PCDH11Y: variants seen among roughly 807,000 people sequenced by gnomAD.
PCDH11Y encodes the protein protocadherin-11 Y-linked.
For synonymous variants in PCDH11Y, 9 were observed against 83.6 expected (o/e 0.11, Z 4.87); for missense variants, 12 against 224.8 (o/e 0.05, Z 6.05).
chrY:5,117,234 A>G, intron 2 of PCDH11Y, among the ~76,000 whole-genome samples: 1 of 32,734 alleles, frequency 3.1e-5, no homozygotes, highest in African/African-American at 1.2e-4. Context: ...CCCTTATAAT[A>G]CATTTTTATG....
At chrY:5,472,327 G>GA (rs2053314814) in intron 2 of PCDH11Y, among the ~76,000 whole-genome samples, 3 of 31,194 alleles carry the variant, frequency 9.6e-5, no homozygotes, top group Non-Finnish European at 2.4e-4. Context: ...TTAAAACCAA[G>GA]AAAAAAAATC....
intron 1 of PCDH11Y, among the ~76,000 whole-genome samples, chrY:5,078,472 T>C: frequency 3.1e-5 from 1 of 32,780 alleles, no homozygotes; most frequent in Admixed American, 2.8e-4. Context: ...TACCCAAGAC[T>C]GGGTAATTTA....
At chrY:5,181,800 A>G in intron 2 of PCDH11Y, among the ~76,000 whole-genome samples, 1 of 33,294 alleles carries the variant, frequency 3.0e-5, no homozygotes, top group Non-Finnish European at 7.4e-5. Flanking sequence ...TAAACTAGCT[A>G]TTCTGGCTAC....
chrY:5,556,854 G>T, intron 3 of PCDH11Y, among the ~76,000 whole-genome samples: 1 of 32,606 alleles, frequency 3.1e-5, no homozygotes, highest in Non-Finnish European at 7.5e-5. Flanking sequence ...AAAAGGTATG[G>T]ATCTACCATT....
chrY:5,502,077 C>T (rs2053354575), intron 3 of PCDH11Y, among the ~76,000 whole-genome samples: 1 of 28,491 alleles, frequency 3.5e-5, no homozygotes, highest in Admixed American at 3.5e-4. Flanking sequence ...AAGTCATAGC[C>T]ATAAACCAAT....
At chrY:5,130,051 A>C (rs2052831829) in intron 2 of PCDH11Y, among the ~76,000 whole-genome samples, 1 of 33,634 alleles carries the variant, frequency 3.0e-5, no homozygotes, top group Admixed American at 2.7e-4. Flanking sequence ...TTATGCCTGC[A>C]TAGTGTTCCA....
intron 4 of PCDH11Y, among the ~76,000 whole-genome samples, chrY:5,734,263 C>T: frequency 3.2e-5 from 1 of 31,641 alleles, no homozygotes; most frequent in Non-Finnish European, 7.7e-5. Flanking sequence ...CCTGCTATAC[C>T]ACAATTTATG....
chrY:5,055,355 G>A (rs2052659202), upstream of PCDH11Y, among the ~76,000 whole-genome samples: 2 of 32,868 alleles, frequency 6.1e-5, no homozygotes, highest in African/African-American at 1.2e-4. Flanking sequence ...TGATGTTATC[G>A]ATTACCAATA....
At chrY:5,251,115 A>G (rs2053003781) in intron 2 of PCDH11Y, among the ~76,000 whole-genome samples, 1 of 33,053 alleles carries the variant, frequency 3.0e-5, no homozygotes, top group Non-Finnish European at 7.5e-5. Flanking sequence ...GGGTTTAACA[A>G]GTGATGTGAA....
At chrY:5,256,861 A>T in intron 2 of PCDH11Y, among the ~76,000 whole-genome samples, 1 of 33,113 alleles carries the variant, frequency 3.0e-5, no homozygotes, top group Non-Finnish European at 7.4e-5. Flanking sequence ...AGCATATAGA[A>T]ATGCTACTGA....
chrY:5,639,947 T>A, intron 4 of PCDH11Y, among the ~76,000 whole-genome samples: 1 of 32,527 alleles, frequency 3.1e-5, no homozygotes, highest in African/African-American at 1.2e-4. Context: ...CATTAAAAAA[T>A]TGGAGTCAGT....
intron 2 of PCDH11Y, among the ~76,000 whole-genome samples, chrY:5,456,803 A>T: frequency 3.1e-5 from 1 of 32,695 alleles, no homozygotes; most frequent in Admixed American, 2.8e-4. Context: ...AATGATAGAC[A>T]CTAAAGTATT....
At chrY:5,633,149 T>C (rs2124703889) in intron 4 of PCDH11Y, among the ~76,000 whole-genome samples, 1 of 32,649 alleles carries the variant, frequency 3.1e-5, no homozygotes, top group Admixed American at 2.8e-4. Flanking sequence ...GTACAGTATG[T>C]TATCTGGCTT....
At chrY:5,358,021 C>G in intron 2 of PCDH11Y, among the ~76,000 whole-genome samples, 1 of 33,482 alleles carries the variant, frequency 3.0e-5, no homozygotes, top group African/African-American at 1.2e-4. Flanking sequence ...ACCACAACCT[C>G]TACCTCCTGG....
chrY:5,740,782 G>GA (rs2053616777), exon 5 of PCDH11Y: 1 of 33,749 alleles, frequency 3.0e-5, no homozygotes, highest in African/African-American at 1.2e-4. Flanking sequence ...AGCAACAATC[G>GA]AAAAATGGTT....
intron 2 of PCDH11Y, among the ~76,000 whole-genome samples, chrY:5,339,391 G>A (rs1602907397): frequency 9.9e-5 from 3 of 30,378 alleles, no homozygotes; most frequent in African/African-American, 3.9e-4. Flanking sequence ...TTGCTCTGTC[G>A]CCCAGGCTGG....
At chrY:5,645,965 T>C in intron 4 of PCDH11Y, among the ~76,000 whole-genome samples, 1 of 22,716 alleles carries the variant, frequency 4.4e-5, no homozygotes. Context: ...AGCTACCATA[T>C]GATCCAGCAA....
intron 4 of PCDH11Y, among the ~76,000 whole-genome samples, chrY:5,616,352 T>C: frequency 3.0e-5 from 1 of 33,191 alleles, no homozygotes; most frequent in African/African-American, 1.2e-4. Context: ...GAGGAAGTTG[T>C]TGGGTGAAGC....
intron 3 of PCDH11Y, among the ~76,000 whole-genome samples, chrY:5,522,162 T>C (rs2053382169): frequency 9.3e-5 from 3 of 32,407 alleles, no homozygotes; most frequent in Admixed American, 2.8e-4. Context: ...CGTGAGCCAC[T>C]GCGCCCAGCC....
Sources: gnomAD v4.1 joint callset for allele counts (sites outside exome capture counted in the v4.1 genomes callset) on GRCh38, gnomAD v4.1.1 for gene constraint, MANE v1.5 for transcripts, NCBI Gene and HGNC (gene_info 2026-07-23, HGNC 2026-07-21) for gene names.